The following ADA variants were observed in gnomAD, a reference collection of about 807,000 sequenced individuals.
The protein encoded by ADA is adenosine aminohydrolase.
Under a neutral mutation model 49.0 loss-of-function variants are expected in ADA, and 45 were observed. The ratio of observed to expected loss-of-function variants is 0.92; its 90% CI spans 0.72 to 1.18. The LOEUF (loss-of-function observed/expected upper bound fraction) is 1.18, where lower values mean the gene tolerates loss of function less well. ADA is among the 50% of genes most tolerant of loss of function. The pLI is 0.00. For synonymous variants in ADA, 173 were observed against 184.2 expected (o/e 0.94, Z 0.49); for missense variants, 445 against 472.5 (o/e 0.94, Z 0.54).
At chr20:44,628,567 G>C (rs1419429597) in intron 3 of ADA, among the ~76,000 whole-genome samples, 1 of 150,252 alleles carries the variant, frequency 6.7e-6, no homozygotes, top group African/African-American at 2.5e-5. Flanking sequence ...AAATAAAGCA[G>C]TCATGGAAAT....
At chr20:44,630,305 A>G (rs2065421968) in intron 2 of ADA, among the ~76,000 whole-genome samples, 1 of 151,614 alleles carries the variant, frequency 6.6e-6, no homozygotes, top group African/African-American at 2.4e-5. Context: ...AGATCATGCT[A>G]CTGCACTCCA....
At chr20:44,620,885 C>T in intron 10 of ADA, 133 bp downstream of exon 10, 1 of 1,226,822 alleles carries the variant, frequency 8.2e-7, no homozygotes, top group Non-Finnish European at 1.2e-6. Flanking sequence ...TGGAAAGTGT[C>T]TAGGTTGGGC....
At chr20:44,644,157 T>C (rs1307982412) in intron 1 of ADA, among the ~76,000 whole-genome samples, 1 of 42,198 alleles carries the variant, frequency 2.4e-5, no homozygotes, top group African/African-American at 7.3e-5. Context: ...TGGGTTTACC[T>C]TGGAGGTAGA....
chr20:44,620,753 C>A, intron 10 of ADA: 1 of 573,664 alleles, frequency 1.7e-6, no homozygotes, highest in Non-Finnish European at 3.1e-6. Flanking sequence ...ATAGCTGCTG[C>A]ACACACCTTT....
chr20:44,626,928 T>C (rs764772570), intron 3 of ADA, among the ~76,000 whole-genome samples: 22 of 152,060 alleles, frequency 1.4e-4, no homozygotes, highest in Non-Finnish European at 2.8e-4. Context: ...ATATCACTTC[T>C]CCCCTCGAAG....
At position 44,636,222 on chromosome 20, in the gene ADA, C is replaced by T. The variant is rs1283360797; in HGVS notation, c.95+5G>A. The T allele has an allele frequency of 1.2e-6, 2 of 1,608,714 alleles. No homozygotes were observed. Among genetic ancestry groups the T allele is most frequent in the Non-Finnish European group, 1.7e-6 (2 of 1,177,168 alleles). On this transcript the variant is annotated splice_donor_5th_base_variant and intron_variant, in intron 2 of 11. Transcript: ENST00000372874. ...GGGAGAGAGGGCTCTTCTGTATGGACTTACCTGCCATAGTATAAGATGGTT... is the reference window on the plus strand; with the variant it reads ...GGGAGAGAGGGCTCTTCTGTATGGATTTACCTGCCATAGTATAAGATGGTT...
intron 10 of ADA, 112 bp from the exon 11 acceptor site, chr20:44,620,513 G>T (rs2065319402): frequency 1.1e-6 from 1 of 912,276 alleles, no homozygotes; most frequent in Non-Finnish European, 1.8e-6. Flanking sequence ...TACGCTTAGA[G>T]GGGGAAGGAT....
chr20:44,623,159 G>A, intron 6 of ADA, 81 bp from the exon 7 acceptor site: 1 of 1,597,464 alleles, frequency 6.3e-7, no homozygotes, highest in Non-Finnish European at 8.5e-7. Flanking sequence ...TGTGGAGATT[G>A]AACCATCCTA....
Position 44,620,397 on chromosome 20 carries a change from ATGTTC to A in ADA, c.976-1_979del, listed in dbSNP as rs1441174171. Reference sequence around the variant, plus strand: ...GAGGAAACTAGATTTGGCCGCATTGATGTTCTGGAAAGGCCAGAATGGCAGACAAC... The same window carrying A: ...GAGGAAACTAGATTTGGCCGCATTGATGGAAAGGCCAGAATGGCAGACAAC... On this transcript the variant is annotated splice_acceptor_variant and coding_sequence_variant, in exon 11 of 12. Transcript: ENST00000372874. LOFTEE classifies it high-confidence loss of function. 2 of 1,614,116 alleles carry A rather than the reference ATGTTC, an allele frequency of 1.2e-6. No individual in the cohort carries two copies. The highest frequency in any genetic ancestry group is 3.3e-5 in the Admixed American group (2 of 60,020).
intron 3 of ADA, among the ~76,000 whole-genome samples, chr20:44,627,951 C>T (rs1250762306): frequency 6.6e-6 from 1 of 152,218 alleles, no homozygotes; most frequent in Non-Finnish European, 1.5e-5. Flanking sequence ...TGGAGCAGAG[C>T]GGACAAATGC....
At chr20:44,646,056 T>C (rs1031873932) in intron 1 of ADA, among the ~76,000 whole-genome samples, 2 of 152,062 alleles carry the variant, frequency 1.3e-5, no homozygotes, top group African/African-American at 4.8e-5. Flanking sequence ...CAGACCATGG[T>C]CCTACTACCT....
chr20:44,642,333 C>T (rs1036605834), intron 1 of ADA, among the ~76,000 whole-genome samples: 3 of 152,206 alleles, frequency 2.0e-5, no homozygotes, highest in Admixed American at 6.5e-5. Flanking sequence ...GCAAACACAC[C>T]TTTCTGAACT....
intron 2 of ADA, among the ~76,000 whole-genome samples, chr20:44,634,086 C>T (rs1487474710): frequency 2.6e-5 from 4 of 152,380 alleles, no homozygotes; most frequent in South Asian, 2.1e-4. Context: ...GTGCCCCTCC[C>T]GGCGGCTCCT....
At chr20:44,619,958 G>A (rs2065312196) in intron 11 of ADA, 111 bp from the exon 12 acceptor site, 8 of 1,414,404 alleles carry the variant, frequency 5.7e-6, no homozygotes, top group Admixed American at 1.8e-5. Context: ...ATGATGGCAA[G>A]AAGATGCCTT....
rs1409639120 is a variant in ADA, at chr20:44,624,331, T to G, written c.479-2A>C. On this transcript the variant is annotated splice_acceptor_variant, in intron 5 of 11. Coordinates refer to ENST00000372874, the MANE Select transcript of ADA (RefSeq NM_000022.4). LOFTEE classifies it high-confidence loss of function. ...GCTCCACCACCTTGGGGGACCAGTCTGTGGGCGAGATGCCCACCCAGGCTC... is the reference window on the plus strand; with the variant it reads ...GCTCCACCACCTTGGGGGACCAGTCGGTGGGCGAGATGCCCACCCAGGCTC... 1.2e-6 allele frequency: 2 copies of G among 1,613,218 alleles called. No individual in the cohort carries two copies. Among genetic ancestry groups the G allele is most frequent in the South Asian group, 2.2e-5 (2 of 91,046 alleles).
At chr20:44,643,677 C>T (rs946725849) in intron 1 of ADA, among the ~76,000 whole-genome samples, 1 of 152,194 alleles carries the variant, frequency 6.6e-6, no homozygotes, top group African/African-American at 2.4e-5. Context: ...CATGTCGAGA[C>T]AGTGCCTGGC....
intron 1 of ADA, among the ~76,000 whole-genome samples, chr20:44,650,809 A>G (rs2065637662): frequency 6.6e-6 from 1 of 151,856 alleles, no homozygotes; most frequent in South Asian, 2.1e-4. Context: ...CTCACACCCT[A>G]CTGGCTGACT....
intron 2 of ADA, among the ~76,000 whole-genome samples, chr20:44,632,091 A>G (rs2065438949): frequency 6.6e-6 from 1 of 152,136 alleles, no homozygotes; most frequent in Non-Finnish European, 1.5e-5. Flanking sequence ...AACAACCATC[A>G]AGAAGGAACT....
intron 9 of ADA, 77 bp downstream of exon 9, chr20:44,622,498 CGGCATGGGCTGAT>C (rs1568843225): frequency 6.9e-7 from 1 of 1,456,234 alleles, no homozygotes; most frequent in African/African-American, 1.4e-5. Context: ...CTAAAAGACG[CGGCATGGGCTGAT>C]GCCCAATCCC....
Sources: gnomAD v4.1 joint callset for allele counts (sites outside exome capture counted in the v4.1 genomes callset) on GRCh38, gnomAD v4.1.1 for gene constraint, MANE v1.5 for transcripts, NCBI Gene and HGNC (gene_info 2026-07-23, HGNC 2026-07-21) for gene names.